Variants in ARHGEF10L observed in about 807,000 individuals in gnomAD.
The protein encoded by ARHGEF10L is Rho guanine nucleotide exchange factor 10 like.
Under a neutral mutation model 141.2 loss-of-function variants are expected in ARHGEF10L, and 69 were observed. The observed-to-expected ratio is 0.49, with a 90% confidence interval of 0.40 to 0.60. ARHGEF10L has a LOEUF of 0.60. ARHGEF10L is among the 20% of genes least tolerant of loss of function. The pLI, the probability that ARHGEF10L is intolerant of heterozygous loss-of-function variation, is 0.00. For missense variants in ARHGEF10L, 1,482 were observed against 1,734.3 expected (o/e 0.85, Z 2.58); for synonymous variants, 711 against 718.5 (o/e 0.99, Z 0.17).
chr1:17,617,337 C>T (rs988137919), intron 9 of ARHGEF10L, among the ~76,000 whole-genome samples: 2 of 152,218 alleles, frequency 1.3e-5, no homozygotes, highest in Non-Finnish European at 2.9e-5. Flanking sequence ...GAATATGAGT[C>T]CTGCCCCTGA....
At chr1:17,585,899 A>G (rs903799390) in intron 2 of ARHGEF10L, among the ~76,000 whole-genome samples, 1 of 152,168 alleles carries the variant, frequency 6.6e-6, no homozygotes, top group African/African-American at 2.4e-5. Flanking sequence ...GTTTGTCCTC[A>G]AGGATCTGCG....
At chr1:17,651,333 G>A (rs1183038170) in intron 22 of ARHGEF10L, among the ~76,000 whole-genome samples, 8 of 152,184 alleles carry the variant, frequency 5.3e-5, no homozygotes, top group African/African-American at 1.7e-4. Flanking sequence ...CCAGATGGGG[G>A]GTTACCTGTG....
chr1:17,535,343 C>A (rs2076559793), upstream of ARHGEF10L, among the ~76,000 whole-genome samples: 2 of 152,188 alleles, frequency 1.3e-5, no homozygotes, highest in African/African-American at 4.8e-5. Context: ...AGAGATGAAG[C>A]TTGCTTACCT....
chr1:17,593,071 C>A (rs572409564), intron 4 of ARHGEF10L, among the ~76,000 whole-genome samples: 1 of 152,130 alleles, frequency 6.6e-6, no homozygotes, highest in Non-Finnish European at 1.5e-5. Context: ...CTTTGAGGAC[C>A]CCCACAGCCT....
Position 17,664,582 on chromosome 1 carries a change from C to T in ARHGEF10L, c.2996C>T (p.Thr999Ile), listed in dbSNP as rs1211513105. 1.1e-5 allele frequency: 18 copies of T among 1,596,966 alleles called. No homozygotes were observed. The highest frequency in any genetic ancestry group is 1.4e-5 in the Non-Finnish European group (16 of 1,174,516). Residue 999 changes from threonine (T) to isoleucine (I), a missense_variant, in exon 26 of 29, where the codon ACC (threonine) becomes ATC (isoleucine). By Grantham distance (89) the Thr-to-Ile change is moderately conservative. Around this residue, in one of 3 missense-constraint regions of ARHGEF10L, gnomAD observed 858 missense variants for 966.3 expected, o/e 0.89. Coordinates refer to ENST00000361221, the MANE Select transcript of ARHGEF10L (RefSeq NM_018125.4). The stretch of plus-strand genomic sequence containing the variant: ...CGGGTCACTGTCCTGGAAGCCACCA[C>T]CCTGCAGCCTCAGGTACTGCACTAT... The part of the protein sequence containing the change: ...GPRVTVLEAT[T>I]LQPQQSFEAH...
At chr1:17,650,658 G>T (rs556140979) in intron 22 of ARHGEF10L, among the ~76,000 whole-genome samples, 1 of 151,434 alleles carries the variant, frequency 6.6e-6, no homozygotes, top group African/African-American at 2.4e-5. Context: ...ACTTGAACCC[G>T]GGAAGCGGAG....
chr1:17,561,089 C>T (rs2077526245), intron 1 of ARHGEF10L, among the ~76,000 whole-genome samples: 1 of 152,234 alleles, frequency 6.6e-6, no homozygotes, highest in African/African-American at 2.4e-5. Flanking sequence ...GAATAACAAG[C>T]CTTACTTCAG....
chr1:17,636,132 G>A (rs749700368), intron 18 of ARHGEF10L, among the ~76,000 whole-genome samples: 8 of 152,146 alleles, frequency 5.3e-5, no homozygotes, highest in Non-Finnish European at 1.0e-4. Context: ...CGCCGCTTGG[G>A]GCACAGGGTT....
chr1:17,583,994 G>A (rs1037726465), intron 2 of ARHGEF10L, among the ~76,000 whole-genome samples: 4 of 151,906 alleles, frequency 2.6e-5, no homozygotes, highest in South Asian at 2.1e-4. Context: ...TGAGACTGCC[G>A]GCACATACCA....
intron 8 of ARHGEF10L, among the ~76,000 whole-genome samples, chr1:17,613,569 T>G (rs2059653777): frequency 6.6e-6 from 1 of 152,152 alleles, no homozygotes; most frequent in Non-Finnish European, 1.5e-5. Context: ...ATCTGCACAT[T>G]TCATAATCTG....
In ARHGEF10L at chr1:17,602,341, T is replaced by C. The variant is rs2080766505; in HGVS notation, c.349+123T>C. 3 of 1,170,018 alleles carry C rather than the reference T, an allele frequency of 2.6e-6. No individual in the cohort carries two copies. The African/African-American group carries it at 4.6e-5, about 18-fold the overall frequency. The allele number at this position is 1,170,018 out of a possible 1,614,324, so 72.5% of individuals were successfully genotyped here. A position where few individuals can be genotyped will look rare whatever the true frequency, so the allele number is the denominator to read the frequency against. On this transcript the variant is annotated intron_variant, in intron 5 of 28. Transcript: ENST00000361221. The stretch of plus-strand genomic sequence containing the variant: ...CCCAGGGTTCATCCTCACCGGGGGC[T>C]TCTGTGGCCCTGGAGGACCAACCAC...
intron 25 of ARHGEF10L, among the ~76,000 whole-genome samples, chr1:17,662,759 A>G (rs2062708887): frequency 6.6e-6 from 1 of 152,122 alleles, no homozygotes; most frequent in African/African-American, 2.4e-5. Flanking sequence ...AGTGGCTTCC[A>G]TCACGTACCC....
intron 1 of ARHGEF10L, among the ~76,000 whole-genome samples, chr1:17,543,528 A>G (rs1323720413): frequency 6.6e-6 from 1 of 152,002 alleles, no homozygotes; most frequent in Non-Finnish European, 1.5e-5. Flanking sequence ...GGTTGCAGTG[A>G]GCCGAGGTTG....
chr1:17,538,083 G>A (rs1049712672), upstream of ARHGEF10L, among the ~76,000 whole-genome samples: 3 of 151,156 alleles, frequency 2.0e-5, no homozygotes, highest in African/African-American at 7.3e-5. Context: ...AACAAAGAAA[G>A]AAAAAAAACA....
At chr1:17,541,652 G>A (rs1233539257) in intron 1 of ARHGEF10L, among the ~76,000 whole-genome samples, 3 of 152,078 alleles carry the variant, frequency 2.0e-5, no homozygotes. Flanking sequence ...CCAACATGGT[G>A]AAACCCTGTC....
rs545929277 is a variant in ARHGEF10L, at chr1:17,586,434, G to A, written c.38-1026G>A. On this transcript the variant is annotated intron_variant, in intron 2 of 28. Transcript: ENST00000361221. ...GTTTAAAAACAGAACCAAACTGCCC[G>A]TTGGTTTTGCAATGGTTTGCATAAG... 8.5e-5 allele frequency among the ~76,000 whole-genome samples: 13 copies of A among 152,322 alleles called. No individual in the cohort carries two copies. The South Asian group carries it at 2.7e-3, about 32-fold the overall frequency.
chr1:17,666,503 C>A (rs994794013), intron 26 of ARHGEF10L, among the ~76,000 whole-genome samples: 1 of 152,078 alleles, frequency 6.6e-6, no homozygotes, highest in African/African-American at 2.4e-5. Flanking sequence ...TGAGCTCCAA[C>A]CTCATCTCCT....
Position 17,632,429 on chromosome 1 carries a change from C to T in ARHGEF10L, c.1693C>T (p.Leu565Phe). The change falls in exon 16 of 29, where the codon CTC (leucine) becomes TTC (phenylalanine). Residue 565 changes from leucine (L) to phenylalanine (F), a missense_variant. Coordinates refer to ENST00000361221, the MANE Select transcript of ARHGEF10L (RefSeq NM_018125.4). ...GTCCAAGGAGCGTCGGGTCTTCCTG[C>T]TCAACGACATGCTTGTCTGTGCCAA... ...IKSKERRVFL[L>F]NDMLVCANIN... is the part of the protein sequence containing the mutation. 6.2e-7 allele frequency: 1 copy of T among 1,614,158 alleles called. No individual in the cohort carries two copies. Among genetic ancestry groups the T allele is most frequent in the Non-Finnish European group, 8.5e-7 (1 of 1,180,024 alleles).
chr1:17,569,414 A>C (rs1157822219), intron 1 of ARHGEF10L, among the ~76,000 whole-genome samples: 1 of 152,210 alleles, frequency 6.6e-6, no homozygotes, highest in Non-Finnish European at 1.5e-5. Context: ...CTGGGGCTCC[A>C]TGCTGGGCTT....
Sources: allele counts gnomAD v4.1 joint callset (sites outside exome capture counted in the v4.1 genomes callset), GRCh38; gene constraint gnomAD v4.1.1; regional missense constraint gnomAD v4.1.1; transcripts MANE v1.5; gene names NCBI Gene and HGNC (gene_info 2026-07-23, HGNC 2026-07-21).